LYPD6B: variants seen among roughly 807,000 people sequenced by gnomAD.
LYPD6B encodes LY6/PLAUR domain containing 6B.
A neutral mutation model predicts 22.8 loss-of-function variants in LYPD6B; 17 were observed. That is an observed-to-expected ratio of 0.75 (90% CI 0.51 to 1.12). The LOEUF (loss-of-function observed/expected upper bound fraction) is 1.12, where lower values mean the gene tolerates loss of function less well. Ranked by LOEUF, LYPD6B falls within the 50% of genes most tolerant of loss-of-function variation. The pLI is 0.00. For missense variants in LYPD6B, 221 were observed against 258.3 expected (o/e 0.86, Z 0.99); for synonymous variants, 106 against 91.6 (o/e 1.16, Z -0.90).
At chr2:149,127,379 G>A (rs1281691990) in intron 1 of LYPD6B, among the ~76,000 whole-genome samples, 4 of 152,052 alleles carry the variant, frequency 2.6e-5, no homozygotes, top group Non-Finnish European at 4.4e-5. Flanking sequence ...CTGGAACTTG[G>A]GATCAGGACT....
At chr2:149,196,346 C>T (rs1692809642) in intron 3 of LYPD6B, among the ~76,000 whole-genome samples, 1 of 152,156 alleles carries the variant, frequency 6.6e-6, no homozygotes, top group Admixed American at 6.5e-5. Context: ...TATTCTTTGC[C>T]ATAGCATGCA....
intron 1 of LYPD6B, among the ~76,000 whole-genome samples, chr2:149,065,424 G>C (rs918775297): frequency 6.6e-6 from 1 of 152,126 alleles, no homozygotes; most frequent in African/African-American, 2.4e-5. Context: ...AATCACCAAG[G>C]GTTGATCAGA....
At chr2:149,138,359 G>A (rs542864674) in intron 2 of LYPD6B, among the ~76,000 whole-genome samples, 6 of 152,306 alleles carry the variant, frequency 3.9e-5, no homozygotes, top group Admixed American at 3.9e-4. Flanking sequence ...TTGAATGAAT[G>A]TGACTCCATA....
At chr2:149,074,939 A>G (rs1341393799) in intron 1 of LYPD6B, among the ~76,000 whole-genome samples, 1 of 152,194 alleles carries the variant, frequency 6.6e-6, no homozygotes, top group Non-Finnish European at 1.5e-5. Flanking sequence ...TCTGCAAGGC[A>G]ACCCATATTA....
chr2:149,057,679 C>T lies in LYPD6B; in HGVS notation c.-67+18878C>T, dbSNP rs1324480019. ...ACCAAACACAAATACTGTGTAGGGG[C>T]GAACCCAGCAAATGGAAGAATTACA... On this transcript the variant is annotated intron_variant, in intron 1 of 6. Transcript: ENST00000409642. Among the ~76,000 whole-genome samples, 3 of 151,980 alleles carry T rather than the reference C, an allele frequency of 2.0e-5. No individual in the cohort carries two copies. The East Asian group carries it at 5.8e-4, about 29-fold the overall frequency.
At chr2:149,164,240 C>G (rs1690275910) in intron 3 of LYPD6B, among the ~76,000 whole-genome samples, 1 of 152,128 alleles carries the variant, frequency 6.6e-6, no homozygotes, top group Admixed American at 6.6e-5. Flanking sequence ...GAGCAAGCCT[C>G]TCTCTGCACT....
intron 1 of LYPD6B, among the ~76,000 whole-genome samples, chr2:149,048,953 T>C (rs1368369789): frequency 6.6e-6 from 1 of 152,212 alleles, no homozygotes; most frequent in Non-Finnish European, 1.5e-5. Context: ...TCAATTAATA[T>C]ACGTCAGGAT....
chr2:149,177,971 TA>T (rs1691441605), intron 3 of LYPD6B, among the ~76,000 whole-genome samples: 1 of 152,190 alleles, frequency 6.6e-6, no homozygotes, highest in East Asian at 1.9e-4. Flanking sequence ...CTGTATTTTT[TA>T]TAATTTACTC....
intron 2 of LYPD6B, 130 bp downstream of exon 2, chr2:149,131,083 G>A: frequency 1.5e-6 from 1 of 666,670 alleles, no homozygotes; most frequent in East Asian, 2.7e-5. Flanking sequence ...ATTAATCTCA[G>A]GGATTATGCT....
chr2:149,111,326 G>C (rs1306831725), intron 1 of LYPD6B, among the ~76,000 whole-genome samples: 1 of 152,162 alleles, frequency 6.6e-6, no homozygotes, highest in East Asian at 1.9e-4. Flanking sequence ...TATAGGTAAA[G>C]GGTAGAGCAG....
intron 2 of LYPD6B, 74 bp from the exon 3 acceptor site, chr2:149,160,690 A>G (rs1458755215): frequency 7.4e-6 from 8 of 1,074,280 alleles, no homozygotes; most frequent in South Asian, 1.4e-5. Context: ...TTTGTTAGAA[A>G]ACATTCCAGT....
intron 1 of LYPD6B, among the ~76,000 whole-genome samples, chr2:149,039,247 A>G (rs546335015): frequency 7.9e-5 from 12 of 152,358 alleles, no homozygotes; most frequent in East Asian, 1.9e-4. Flanking sequence ...TTCCCCCTGC[A>G]GCGCTTCACG....
At chr2:149,182,814 A>G (rs2106001113) in intron 3 of LYPD6B, among the ~76,000 whole-genome samples, 1 of 152,356 alleles carries the variant, frequency 6.6e-6, no homozygotes, top group Non-Finnish European at 1.5e-5. Context: ...ATGTATTTTA[A>G]TAGCCCACAT....
chr2:149,062,779 G>A (rs1274703838), intron 1 of LYPD6B, among the ~76,000 whole-genome samples: 3 of 151,816 alleles, frequency 2.0e-5, no homozygotes, highest in African/African-American at 7.3e-5. Flanking sequence ...GTGCTTCAGG[G>A]TGTGAATTGA....
At chr2:149,177,856 A>G (rs952226004) in intron 3 of LYPD6B, among the ~76,000 whole-genome samples, 6 of 89,714 alleles carry the variant, frequency 6.7e-5, no homozygotes, top group African/African-American at 2.0e-4. Context: ...TTTTTTTTGT[A>G]CTATTGAAAG....
chr2:149,110,367 T>C (rs1686699174), intron 1 of LYPD6B, among the ~76,000 whole-genome samples: 1 of 152,248 alleles, frequency 6.6e-6, no homozygotes, highest in African/African-American at 2.4e-5. Context: ...TCATGCCTAC[T>C]AATCTTTGCT....
intron 1 of LYPD6B, among the ~76,000 whole-genome samples, chr2:149,088,776 T>TTAG (rs1010979668): frequency 8.5e-5 from 13 of 152,288 alleles, no homozygotes; most frequent in Admixed American, 2.6e-4. Context: ...CATTGACAAC[T>TTAG]TAGAGGATTT....
At chr2:149,129,322 C>T (rs1687886152) in intron 1 of LYPD6B, among the ~76,000 whole-genome samples, 1 of 152,144 alleles carries the variant, frequency 6.6e-6, no homozygotes, top group South Asian at 2.1e-4. Flanking sequence ...TTTCGACAAG[C>T]TTGGGAATTT....
chr2:149,137,575 G>T (rs1318423897), intron 2 of LYPD6B, among the ~76,000 whole-genome samples: 1 of 152,184 alleles, frequency 6.6e-6, no homozygotes, highest in Non-Finnish European at 1.5e-5. Context: ...CAACTCATGT[G>T]CTTAGAACCA....
Sources: gnomAD v4.1 joint callset for allele counts (sites outside exome capture counted in the v4.1 genomes callset) on GRCh38, gnomAD v4.1.1 for gene constraint, MANE v1.5 for transcripts, NCBI Gene and HGNC (gene_info 2026-07-23, HGNC 2026-07-21) for gene names.